The following RBMS3 variants were observed in gnomAD, a reference collection of about 807,000 sequenced individuals.
The protein encoded by RBMS3 is RNA-binding motif, single-stranded-interacting protein 3.
Under a neutral mutation model 66.8 loss-of-function variants are expected in RBMS3, and 27 were observed. The ratio of observed to expected loss-of-function variants is 0.40; its 90% CI spans 0.30 to 0.56. The LOEUF (loss-of-function observed/expected upper bound fraction) is 0.56, where lower values mean the gene tolerates loss of function less well. RBMS3 is among the 20% of genes least tolerant of loss of function. The pLI is 0.40. For synonymous variants in RBMS3, 188 were observed against 183.0 expected (o/e 1.03, Z -0.22); for missense variants, 513 against 549.5 (o/e 0.93, Z 0.66).
intron 4 of RBMS3, among the ~76,000 whole-genome samples, chr3:29,587,671 G>C (rs779614546): frequency 6.6e-6 from 1 of 151,974 alleles, no homozygotes; most frequent in African/African-American, 2.4e-5. Flanking sequence ...TGTTCTCTTA[G>C]CTGGGGAGAG....
chr3:29,942,176 G>A (rs977280210), intron 11 of RBMS3, among the ~76,000 whole-genome samples: 41 of 151,790 alleles, frequency 2.7e-4, no homozygotes, highest in African/African-American at 8.7e-4. Flanking sequence ...GCATGAAATC[G>A]TAAGAGAAAT....
At chr3:29,823,769 G>A (rs941143519) in intron 6 of RBMS3, among the ~76,000 whole-genome samples, 2 of 152,138 alleles carry the variant, frequency 1.3e-5, no homozygotes, top group African/African-American at 4.8e-5. Context: ...GTGCTTATTT[G>A]AGAATAGTTA....
chr3:29,754,860 T>C (rs984752364), intron 5 of RBMS3, among the ~76,000 whole-genome samples: 2 of 152,196 alleles, frequency 1.3e-5, no homozygotes, highest in African/African-American at 4.8e-5. Context: ...ATGAAGATAA[T>C]GAGTGAGAAA....
chr3:29,331,730 T>G (rs1002719918), intron 1 of RBMS3, among the ~76,000 whole-genome samples: 8 of 151,978 alleles, frequency 5.3e-5, no homozygotes, highest in Non-Finnish European at 1.2e-4. Context: ...ATCACAAGGT[T>G]TTTTTCCAGA....
chr3:29,763,691 T>A (rs574998337), intron 6 of RBMS3, among the ~76,000 whole-genome samples: 7 of 152,224 alleles, frequency 4.6e-5, no homozygotes, highest in Non-Finnish European at 8.8e-5. Flanking sequence ...ATTTATTATG[T>A]GTATCAGAGC....
chr3:29,345,669 A>G (rs2125546403), intron 1 of RBMS3, among the ~76,000 whole-genome samples: 1 of 152,332 alleles, frequency 6.6e-6, no homozygotes, highest in South Asian at 2.1e-4. Context: ...GAAACTTACT[A>G]GAGACTCCCA....
intron 1 of RBMS3, among the ~76,000 whole-genome samples, chr3:29,315,838 T>G (rs1381158126): frequency 6.6e-6 from 1 of 151,752 alleles, no homozygotes; most frequent in Non-Finnish European, 1.5e-5. Context: ...TCAGGCTAAA[T>G]GCATCTCTAC....
intron 3 of RBMS3, among the ~76,000 whole-genome samples, chr3:29,526,540 A>G (rs1461077401): frequency 8.8e-6 from 1 of 113,916 alleles, no homozygotes; most frequent in East Asian, 5.2e-4. Context: ...AAAAAAAAAA[A>G]AAAAAAAAAA....
At chr3:29,314,184 G>A (rs1212236292) in intron 1 of RBMS3, among the ~76,000 whole-genome samples, 1 of 151,654 alleles carries the variant, frequency 6.6e-6, no homozygotes, top group East Asian at 1.9e-4. Flanking sequence ...CAACCTTGTG[G>A]TAAAAATCCC....
At chr3:29,926,724 GAC>G (rs1239037263) in intron 10 of RBMS3, 2 of 152,300 alleles carry the variant, frequency 1.3e-5, no homozygotes, top group East Asian at 3.9e-4. Flanking sequence ...TAAATATTCA[GAC>G]GTCTTCTGGG....
At chr3:29,427,192 T>G (rs148384358) in intron 1 of RBMS3, among the ~76,000 whole-genome samples, 2,446 of 152,352 alleles carry the variant, frequency 0.016, 29 homozygotes, top group Middle Eastern at 0.034. Flanking sequence ...TTCACCAAAC[T>G]GTTACAAAAG....
chr3:29,426,129 CT>C (rs2040949685), intron 1 of RBMS3, among the ~76,000 whole-genome samples: 1 of 152,142 alleles, frequency 6.6e-6, no homozygotes, highest in South Asian at 2.1e-4. Context: ...ATACACTTGA[CT>C]TTTTAAACTA....
chr3:29,655,222 G>C (rs1220193089), intron 4 of RBMS3, among the ~76,000 whole-genome samples: 1 of 152,176 alleles, frequency 6.6e-6, no homozygotes, highest in Non-Finnish European at 1.5e-5. Flanking sequence ...TGAATACTAA[G>C]TGGCATTTGA....
At position 29,821,214 on chromosome 3, in the gene RBMS3, A is replaced by G. The variant is rs2058069713; in HGVS notation, c.638-47644A>G. ...CCAGATACAATTTGATTTTTCTTTT[A>G]TTTATCTAAAATTTTGCTTGGGTTA... On this transcript the variant is annotated intron_variant, in intron 6 of 14. Transcript: ENST00000383767. 2.0e-5 allele frequency among the ~76,000 whole-genome samples: 3 copies of G among 152,102 alleles called. No individual in the cohort carries two copies. The South Asian group carries it at 6.2e-4, about 32-fold the overall frequency.
At chr3:29,928,084 T>G (rs1482486132) in intron 10 of RBMS3, among the ~76,000 whole-genome samples, 1 of 151,214 alleles carries the variant, frequency 6.6e-6, no homozygotes, top group East Asian at 1.9e-4. Context: ...CAGCTCTAGG[T>G]TGCACTTTGG....
intron 4 of RBMS3, among the ~76,000 whole-genome samples, chr3:29,697,934 T>C (rs1179840512): frequency 6.6e-6 from 1 of 152,256 alleles, no homozygotes; most frequent in East Asian, 1.9e-4. Context: ...AGTACTCTCC[T>C]GCCTGATATG....
chr3:29,448,583 A>G (rs992570648), intron 2 of RBMS3, among the ~76,000 whole-genome samples: 2 of 152,214 alleles, frequency 1.3e-5, no homozygotes, highest in Admixed American at 1.3e-4. Context: ...TGCAGCGAAA[A>G]GGACAATTAT....
At chr3:29,294,413 A>G (rs559518359) in intron 1 of RBMS3, among the ~76,000 whole-genome samples, 67 of 151,822 alleles carry the variant, frequency 4.4e-4, no homozygotes, top group Middle Eastern at 6.8e-3. Flanking sequence ...ATAAAACACA[A>G]GATGAGTTAA....
intron 6 of RBMS3, among the ~76,000 whole-genome samples, chr3:29,836,177 A>G (rs2149494525): frequency 6.6e-6 from 1 of 152,214 alleles, no homozygotes; most frequent in South Asian, 2.1e-4. Flanking sequence ...GGTGAATTAT[A>G]TCAAACATTT....
Sources: gnomAD v4.1 joint callset for allele counts (sites outside exome capture counted in the v4.1 genomes callset) on GRCh38, gnomAD v4.1.1 for gene constraint, MANE v1.5 for transcripts, NCBI Gene and HGNC (gene_info 2026-07-23, HGNC 2026-07-21) for gene names.